The following SFT2D1 variants were observed in gnomAD, a reference collection of about 807,000 sequenced individuals.
The protein encoded by SFT2D1 is SFT2 domain containing 1.
In SFT2D1, 24 loss-of-function variants were observed where a neutral mutation model predicts 28.1. The ratio of observed to expected loss-of-function variants is 0.85; its 90% confidence interval spans 0.62 to 1.20. SFT2D1 has a LOEUF of 1.20. Among genes scored for constraint, SFT2D1 ranks in the 50% most tolerant of loss-of-function variants. SFT2D1 has a pLI of 0.00. For synonymous variants in SFT2D1, 82 were observed against 73.7 expected (o/e 1.11, Z -0.58); for missense variants, 181 against 190.9 (o/e 0.95, Z 0.31).
Position 166,326,039 on chromosome 6 carries a change from G to A in SFT2D1, c.351+93C>T, listed in dbSNP as rs1583035284. On this transcript the variant is annotated intron_variant, in intron 5 of 7. Coordinates refer to ENST00000361731, the MANE Select transcript of SFT2D1 (RefSeq NM_145169.3). ...ATCTTTAGAGAGTTTTAAAAAAACA[G>A]ATGAGCTATTTTAAGATAATGGTGT... is the stretch of plus-strand genomic sequence containing the variant. 11 of 1,204,374 alleles carry A rather than the reference G, an allele frequency of 9.1e-6. No individual in the cohort carries two copies. The East Asian group carries it at 2.3e-4, about 26-fold the overall frequency. 74.6% of individuals were successfully genotyped at this position (1,204,374 alleles called of 1,614,324 possible). A position where few individuals can be genotyped will look rare whatever the true frequency, so the allele number is the denominator to read the frequency against.
intron 3 of SFT2D1, 119 bp from the exon 4 acceptor site, chr6:166,328,476 T>C (rs1583036933): frequency 1.8e-6 from 1 of 558,768 alleles, no homozygotes; most frequent in Non-Finnish European, 2.9e-6. Flanking sequence ...AATCTCTCAC[T>C]AAAATTTTTT....
intron 1 of SFT2D1, among the ~76,000 whole-genome samples, chr6:166,338,909 G>T (rs1487990547): frequency 1.3e-5 from 2 of 152,138 alleles, no homozygotes; most frequent in Non-Finnish European, 2.9e-5. Flanking sequence ...CAAAGCGCCT[G>T]CATAGGAGGA....
intron 1 of SFT2D1, among the ~76,000 whole-genome samples, chr6:166,340,056 G>C (rs1035839873): frequency 2.6e-5 from 4 of 152,228 alleles, no homozygotes; most frequent in African/African-American, 9.6e-5. Flanking sequence ...AATGCCATGA[G>C]GCATCCTTGC....
intron 5 of SFT2D1, among the ~76,000 whole-genome samples, chr6:166,325,547 T>C (rs948100554): frequency 6.6e-6 from 1 of 152,270 alleles, no homozygotes; most frequent in African/African-American, 2.4e-5. Flanking sequence ...TGTTACTATC[T>C]GTGTTTTCTG....
chr6:166,338,426 A>G (rs1210989285), intron 1 of SFT2D1, among the ~76,000 whole-genome samples: 1 of 152,290 alleles, frequency 6.6e-6, no homozygotes, highest in South Asian at 2.1e-4. Flanking sequence ...CAGATGGGGG[A>G]AAATGGGCAA....
At chr6:166,325,507 T>C (rs1778427755) in intron 5 of SFT2D1, among the ~76,000 whole-genome samples, 2 of 152,206 alleles carry the variant, frequency 1.3e-5, no homozygotes, top group South Asian at 4.1e-4. Flanking sequence ...CTCCACAGGG[T>C]AGGAGAATGA....
At chr6:166,322,631 C>T (rs138125035) in intron 7 of SFT2D1, among the ~76,000 whole-genome samples, 2,316 of 133,780 alleles carry the variant, frequency 0.017, 55 homozygotes, top group African/African-American at 0.063. Flanking sequence ...GCAGAGATTA[C>T]AGTGAGCCGA....
intron 2 of SFT2D1, among the ~76,000 whole-genome samples, 200 bp downstream of exon 2, chr6:166,329,961 C>T (rs1778520173): frequency 6.6e-6 from 1 of 152,136 alleles, no homozygotes; most frequent in African/African-American, 2.4e-5. Context: ...TAAATTATTT[C>T]AACTATCCAC....
chr6:166,320,964 G>A lies in SFT2D1; in HGVS notation c.441-708C>T, dbSNP rs114703341. On this transcript the variant is annotated intron_variant, in intron 7 of 7. Transcript: ENST00000361731. ...ACTAAAAAACACAAAAATTAGCTGGGCGTGGCAGCGGCAGCACGTGCCTGT... is the reference window on the plus strand; with the variant it reads ...ACTAAAAAACACAAAAATTAGCTGGACGTGGCAGCGGCAGCACGTGCCTGT... Among the ~76,000 whole-genome samples, 536 of 152,290 alleles carry A rather than the reference G, an allele frequency of 3.5e-3. 4 individuals are homozygous for A. Among genetic ancestry groups the A allele is most frequent in the African/African-American group, 0.012 (492 of 41,562 alleles).
At chr6:166,334,909 C>A in intron 1 of SFT2D1, 1 of 421,368 alleles carries the variant, frequency 2.4e-6, no homozygotes, top group Non-Finnish European at 4.6e-6. Context: ...TTGCTGGCGG[C>A]ATTAAAGAAG....
chr6:166,341,447 CT>C (rs1778779891), intron 1 of SFT2D1, among the ~76,000 whole-genome samples: 1 of 94,500 alleles, frequency 1.1e-5, no homozygotes, highest in African/African-American at 4.3e-5. Context: ...AAGACTCCAT[CT>C]AAAAAAAAAA....
intron 1 of SFT2D1, among the ~76,000 whole-genome samples, chr6:166,342,203 G>GT (rs979747155): frequency 6.6e-6 from 1 of 152,040 alleles, no homozygotes; most frequent in Non-Finnish European, 1.5e-5. Flanking sequence ...GGAGAGTCGG[G>GT]GGGGGGCCTC....
intron 7 of SFT2D1, among the ~76,000 whole-genome samples, chr6:166,320,906 C>T (rs972138854): frequency 6.6e-6 from 1 of 152,200 alleles, no homozygotes; most frequent in Non-Finnish European, 1.5e-5. Flanking sequence ...GAGTTCAAGA[C>T]CAGCCTGGCC....
At chr6:166,330,785 T>C (rs979421593) in intron 1 of SFT2D1, among the ~76,000 whole-genome samples, 1 of 152,210 alleles carries the variant, frequency 6.6e-6, no homozygotes, top group Non-Finnish European at 1.5e-5. Context: ...GCCACCTCCC[T>C]TCGGCCGGTC....
intron 1 of SFT2D1, among the ~76,000 whole-genome samples, chr6:166,330,746 T>C (rs1349455346): frequency 6.6e-6 from 1 of 152,234 alleles, no homozygotes; most frequent in African/African-American, 2.4e-5. Context: ...GTGCAAGTCC[T>C]GCTGGAGGCA....
At chr6:166,325,689 C>T (rs1483016621) in intron 5 of SFT2D1, among the ~76,000 whole-genome samples, 8 of 152,252 alleles carry the variant, frequency 5.3e-5, no homozygotes, top group Admixed American at 3.9e-4. Context: ...CCACACCGGG[C>T]ACTGTCAGAT....
intron 7 of SFT2D1, among the ~76,000 whole-genome samples, chr6:166,321,412 C>T (rs552459585): frequency 3.3e-5 from 5 of 152,280 alleles, no homozygotes; most frequent in South Asian, 2.1e-4. Context: ...TGGGACATCA[C>T]GTCTAGAGGT....
chr6:166,326,064 T>C (rs1562442598), intron 5 of SFT2D1, 68 bp downstream of exon 5: 3 of 1,374,854 alleles, frequency 2.2e-6, no homozygotes, highest in East Asian at 2.3e-5. Flanking sequence ...GATAATGGTG[T>C]GATGACACGT....
intron 1 of SFT2D1, among the ~76,000 whole-genome samples, chr6:166,335,959 G>T (rs1162753513): frequency 6.6e-6 from 1 of 152,196 alleles, no homozygotes; most frequent in Non-Finnish European, 1.5e-5. Context: ...TTATTAACAG[G>T]TTATTTTCGT....
Sources: gnomAD v4.1 joint callset for allele counts (sites outside exome capture counted in the v4.1 genomes callset) on GRCh38, gnomAD v4.1.1 for gene constraint, MANE v1.5 for transcripts, NCBI Gene and HGNC (gene_info 2026-07-23, HGNC 2026-07-21) for gene names.